KIF26B: variants seen among roughly 807,000 people sequenced by gnomAD.
KIF26B encodes the protein kinesin family member 26B, also known as kinesin-like protein KIF26B.
In KIF26B, 63 loss-of-function variants were observed where a neutral mutation model predicts 151.2. That is an observed-to-expected ratio of 0.42 (90% confidence interval 0.34 to 0.51). The LOEUF is 0.51. KIF26B is among the 20% of genes least tolerant of loss of function. The pLI is 0.07. For missense variants in KIF26B, 2,813 were observed against 2,913.6 expected, an observed-to-expected ratio of 0.97 and a Z score of 0.79; for synonymous variants, 1,357 against 1,262.1, an observed-to-expected ratio of 1.08 and a Z score of -1.59.
At position 245,685,566 on chromosome 1, in the gene KIF26B, C is replaced by T; in HGVS notation, c.2583C>T (p.Ser861=). The change falls in exon 12 of 15, where the codon TCC becomes TCT. Residue 861 remains serine, a synonymous_variant. Transcript: ENST00000407071. The stretch of plus-strand genomic sequence containing the variant: ...ACTACTCCTCCAGCAGCGAGCAGTC[C>T]TGCGACACCGTCATCTACATCGGGC... ...DPDYSSSSEQ[S]CDTVIYIGPN... 6.2e-7 allele frequency: 1 copy of T among 1,613,828 alleles called. No homozygotes were observed. Among genetic ancestry groups the T allele is most frequent in the Non-Finnish European group, 8.5e-7 (1 of 1,179,878 alleles).
At position 245,224,729 on chromosome 1, in the gene KIF26B, A is replaced by G. The variant is rs186526796; in HGVS notation, c.465+68046A>G. Among the ~76,000 whole-genome samples, 44 of 152,348 alleles carry G rather than the reference A, an allele frequency of 2.9e-4. No homozygotes were observed. The East Asian group carries it at 8.3e-3, about 29-fold the overall frequency. On this transcript the variant is annotated intron_variant, in intron 2 of 14. Coordinates refer to ENST00000407071, the MANE Select transcript of KIF26B (RefSeq NM_018012.4). ...GATATGTATAACTCACTGAATAATT[A>G]TTTTCTAAATGACCTGTGTAGGATA...
intron 4 of KIF26B, among the ~76,000 whole-genome samples, chr1:245,489,865 CT>C (rs1660364739): frequency 6.6e-5 from 10 of 152,170 alleles, no homozygotes. Context: ...TTGCTGAGAA[CT>C]TTATACCAAT....
At chr1:245,365,635 A>G (rs1672931148) in intron 2 of KIF26B, among the ~76,000 whole-genome samples, 1 of 152,176 alleles carries the variant, frequency 6.6e-6, no homozygotes, top group African/African-American at 2.4e-5. Flanking sequence ...GAGGTAAATA[A>G]GCCTTGAGAT....
chr1:245,530,484 T>C (rs1470690686), intron 4 of KIF26B, among the ~76,000 whole-genome samples: 1 of 152,214 alleles, frequency 6.6e-6, no homozygotes, highest in Non-Finnish European at 1.5e-5. Context: ...ATATACAGAA[T>C]GGAGTACTCT....
At position 245,602,628 on chromosome 1, in the gene KIF26B, T is replaced by C. The variant is rs1012536053; in HGVS notation, c.1402T>C (p.Ser468Pro). 1.2e-5 allele frequency: 20 copies of C among 1,613,882 alleles called. No homozygotes were observed. Among genetic ancestry groups the C allele is most frequent in the Non-Finnish European group, 1.7e-5 (20 of 1,179,888 alleles). ...CACCTTGGCTCGAGATACTTCAGAA[T>C]CCAGCTCTTTCTTAAAGGTGGACCC... ...CSTLARDTSE[S>P]SSFLKVDPRK... Residue 468 changes from serine to proline, a missense_variant, in exon 6 of 15, where the codon TCC (serine) becomes CCC (proline). Coordinates refer to ENST00000407071, the MANE Select transcript of KIF26B (RefSeq NM_018012.4). This position sits in a 1 kb window ranked among gnomAD's most constrained non-coding sequence, Gnocchi z 4.5.
chr1:245,569,118 T>C (rs992282235), intron 5 of KIF26B, among the ~76,000 whole-genome samples: 1 of 152,172 alleles, frequency 6.6e-6, no homozygotes, highest in Non-Finnish European at 1.5e-5. Flanking sequence ...GATAGGTCAT[T>C]AGAGGAGGAT....
In KIF26B at chr1:245,671,621, G is replaced by C. The variant is rs10924298; in HGVS notation, c.2259-12612G>C. Among the ~76,000 whole-genome samples, 1,502 of 152,274 alleles carry C rather than the reference G, an allele frequency of 9.9e-3. 17 individuals carry two copies. Among genetic ancestry groups the C allele is most frequent in the African/African-American group, 0.033 (1,376 of 41,540 alleles). On this transcript the variant is annotated intron_variant, in intron 10 of 14. Coordinates refer to ENST00000407071, the MANE Select transcript of KIF26B (RefSeq NM_018012.4). Reference sequence around the variant, plus strand: ...TGCGCTTAGTTGCAAGGTTACAATAGGACATTTTATGTATATTTCACCACA... The same window carrying C: ...TGCGCTTAGTTGCAAGGTTACAATACGACATTTTATGTATATTTCACCACA...
Position 245,495,330 on chromosome 1 carries a change from C to A in KIF26B, c.1167-45437C>A, listed in dbSNP as rs561893410. On this transcript the variant is annotated intron_variant, in intron 4 of 14. Transcript: ENST00000407071. This position sits in a 1 kb window ranked among gnomAD's most constrained non-coding sequence, Gnocchi z 4.2. ...AATGAGGCAGAAGCAATATATTTTT[C>A]TTTTTCTTTTTAGTTGACACATAAT... Among the ~76,000 whole-genome samples the A allele has an allele frequency of 6.6e-6, 1 of 152,086 alleles. No homozygotes were observed. The highest frequency in any genetic ancestry group is 1.5e-5 in the Non-Finnish European group (1 of 67,992).
chr1:245,286,133 G>A (rs1197190051), intron 2 of KIF26B, among the ~76,000 whole-genome samples: 1 of 152,108 alleles, frequency 6.6e-6, no homozygotes, highest in Non-Finnish European at 1.5e-5. Context: ...GAGTTCCTGT[G>A]GGAGAATCGT....
intron 2 of KIF26B, among the ~76,000 whole-genome samples, chr1:245,330,822 T>TCGGGGGAGAGTCGGGGGAGAGG (rs1482393610): frequency 7.9e-5 from 2 of 25,270 alleles, no homozygotes; most frequent in African/African-American, 3.5e-4. Context: ...CGGGGGAGAG[T>TCGGGGGAGAGTCGGGGGAGAGG]CGGGGAGGGA....
At chr1:245,431,345 A>ATT (rs796518387) in intron 4 of KIF26B, among the ~76,000 whole-genome samples, 5 of 136,376 alleles carry the variant, frequency 3.7e-5, no homozygotes, top group African/African-American at 2.8e-5. Flanking sequence ...TGCCCAGCTA[A>ATT]TTTTTTTTTT....
chr1:245,226,374 C>A (rs1669873792), intron 2 of KIF26B, among the ~76,000 whole-genome samples: 1 of 152,200 alleles, frequency 6.6e-6, no homozygotes, highest in African/African-American at 2.4e-5. Flanking sequence ...TCTTTCCCAC[C>A]ATCAAGGCAT....
chr1:245,265,201 C>CAAAAAAA (rs59716075), intron 2 of KIF26B, among the ~76,000 whole-genome samples: 1 of 47,392 alleles, frequency 2.1e-5, no homozygotes, highest in Admixed American at 2.1e-4. Context: ...GACTCCATCT[C>CAAAAAAA]AAAAAAAAAA....
At chr1:245,284,656 A>G (rs1206550103) in intron 2 of KIF26B, among the ~76,000 whole-genome samples, 1 of 152,206 alleles carries the variant, frequency 6.6e-6, no homozygotes, top group African/African-American at 2.4e-5. Flanking sequence ...TAAAAATGTA[A>G]AGCAAATACC....
At chr1:245,497,113 A>T (rs1307813111) in intron 4 of KIF26B, among the ~76,000 whole-genome samples, 1 of 150,560 alleles carries the variant, frequency 6.6e-6, no homozygotes, top group African/African-American at 2.5e-5. Context: ...AGATTGCACC[A>T]TTGCACTCCA....
rs185496212 is a variant in KIF26B, at chr1:245,441,736, C to G, written c.1166+21991C>G. 5.7e-3 allele frequency among the ~76,000 whole-genome samples: 862 copies of G among 152,318 alleles called. 3 individuals are homozygous for G. Among genetic ancestry groups the G allele is most frequent in the Admixed American group, 0.011 (173 of 15,298 alleles). On this transcript the variant is annotated intron_variant, in intron 4 of 14. Transcript: ENST00000407071. ...GAGGGGAAAAGATAATAAAATATCT[C>G]CTGATGCTTAACAATCGTTGGGTGG...
intron 2 of KIF26B, chr1:245,283,004 C>A: frequency 3.4e-6 from 1 of 293,890 alleles, no homozygotes; most frequent in East Asian, 9.5e-5. Flanking sequence ...CTTGAGGCTC[C>A]ATGTGCTTCA....
intron 5 of KIF26B, among the ~76,000 whole-genome samples, chr1:245,593,835 T>C (rs2043314402): frequency 6.6e-6 from 1 of 152,220 alleles, no homozygotes; most frequent in African/African-American, 2.4e-5. Context: ...CAGCATCTGT[T>C]GTTTCCTCAC....
At chr1:245,588,977 T>G (rs1445056392) in intron 5 of KIF26B, among the ~76,000 whole-genome samples, 1 of 152,204 alleles carries the variant, frequency 6.6e-6, no homozygotes, top group Non-Finnish European at 1.5e-5. Context: ...ATTTCTCTGT[T>G]CCTCCTTCTG....
Sources: allele counts gnomAD v4.1 joint callset (sites outside exome capture counted in the v4.1 genomes callset), GRCh38; gene constraint gnomAD v4.1.1; non-coding constraint Gnocchi (gnomAD v3.1); transcripts MANE v1.5; gene names NCBI Gene and HGNC (gene_info 2026-07-23, HGNC 2026-07-21).